GRID2: variants seen among roughly 807,000 people sequenced by gnomAD.
GRID2 encodes glutamate receptor ionotropic, delta-2.
In GRID2, 33 loss-of-function variants were observed where a neutral mutation model predicts 114.8. The ratio of observed to expected loss-of-function variants is 0.29; its 90% CI spans 0.22 to 0.38. The LOEUF is 0.38. Among genes scored for constraint, GRID2 ranks in the 10% least tolerant of loss-of-function variants. GRID2 has a pLI of 1.00. For missense variants in GRID2, 1,184 were observed against 1,257.7 expected, an observed-to-expected ratio of 0.94 and a Z score of 0.89; for synonymous variants, 505 against 449.9, an observed-to-expected ratio of 1.12 and a Z score of -1.55.
chr4:92,759,978 C>T (rs1318988352), intron 2 of GRID2, among the ~76,000 whole-genome samples: 5 of 151,238 alleles, frequency 3.3e-5, no homozygotes, highest in Non-Finnish European at 4.4e-5. Flanking sequence ...TGAACGCCTT[C>T]GATAATGGTA....
At chr4:92,327,849 A>AATTAACAATG (rs1019705775) in intron 1 of GRID2, among the ~76,000 whole-genome samples, 1 of 152,068 alleles carries the variant, frequency 6.6e-6, no homozygotes. Context: ...CTAAAAAAGA[A>AATTAACAATG]ATTAACAATG....
intron 1 of GRID2, among the ~76,000 whole-genome samples, chr4:92,545,225 T>G (rs1726183433): frequency 6.6e-6 from 1 of 151,696 alleles, no homozygotes; most frequent in Admixed American, 6.6e-5. Context: ...AAAAAATGTG[T>G]GGTAGATGCT....
chr4:93,724,734 A>G (rs1729686903), intron 14 of GRID2, among the ~76,000 whole-genome samples: 1 of 152,006 alleles, frequency 6.6e-6, no homozygotes, highest in Admixed American at 6.6e-5. Flanking sequence ...CTAGTTGTCC[A>G]GTAGGGGAGA....
At chr4:93,388,259 T>A (rs1764518867) in intron 8 of GRID2, among the ~76,000 whole-genome samples, 1 of 152,148 alleles carries the variant, frequency 6.6e-6, no homozygotes, top group African/African-American at 2.4e-5. Context: ...CTTAAGATTG[T>A]TCCAGTCAAG....
At chr4:93,140,080 A>G (rs1338709453) in intron 4 of GRID2, among the ~76,000 whole-genome samples, 1 of 151,954 alleles carries the variant, frequency 6.6e-6, no homozygotes, top group Non-Finnish European at 1.5e-5. Context: ...AGTATCTTGG[A>G]TGTGCCAAGT....
At chr4:92,740,088 GC>G (rs576076993) in intron 2 of GRID2, among the ~76,000 whole-genome samples, 33 of 152,088 alleles carry the variant, frequency 2.2e-4, no homozygotes, top group Admixed American at 3.9e-4. Context: ...TTCCTAAAAG[GC>G]CTTTTCTTCC....
At chr4:92,647,006 G>T (rs1731676113) in intron 2 of GRID2, among the ~76,000 whole-genome samples, 1 of 152,036 alleles carries the variant, frequency 6.6e-6, no homozygotes, top group African/African-American at 2.4e-5. Flanking sequence ...GGTAGTAGCA[G>T]TACAACTTGT....
chr4:92,530,287 G>A (rs1291044900), intron 1 of GRID2, among the ~76,000 whole-genome samples: 1 of 151,872 alleles, frequency 6.6e-6, no homozygotes, highest in Non-Finnish European at 1.5e-5. Context: ...CAGGTATCAG[G>A]CTGATATTAT....
intron 2 of GRID2, among the ~76,000 whole-genome samples, chr4:92,971,409 TC>T (rs1033918138): frequency 3.3e-5 from 5 of 152,022 alleles, no homozygotes; most frequent in Admixed American, 2.6e-4. Flanking sequence ...CTAGTTTTTT[TC>T]CTTTTATTTT....
chr4:92,581,564 T>G (rs1313899880), intron 1 of GRID2, among the ~76,000 whole-genome samples: 1 of 152,090 alleles, frequency 6.6e-6, no homozygotes, highest in Non-Finnish European at 1.5e-5. Context: ...CACATGTTAT[T>G]GGAGAGTAAG....
chr4:92,934,399 A>C (rs1423204628), intron 2 of GRID2, among the ~76,000 whole-genome samples: 2 of 150,764 alleles, frequency 1.3e-5, no homozygotes, highest in African/African-American at 4.8e-5. Context: ...GACTTTGCTG[A>C]AGCTGCTTAT....
chr4:92,729,717 C>T (rs1452223719), intron 2 of GRID2, among the ~76,000 whole-genome samples: 4 of 151,940 alleles, frequency 2.6e-5, no homozygotes, highest in African/African-American at 4.8e-5. Flanking sequence ...AGCTAGTTTA[C>T]CTGCTAATCA....
At chr4:93,804,817 T>C (rs1027120901) in intron 1 of GRID2, among the ~76,000 whole-genome samples, 1 of 152,220 alleles carries the variant, frequency 6.6e-6, no homozygotes, top group Non-Finnish European at 1.5e-5. Context: ...ACCTCCTCCA[T>C]GATTTCTTCT....
At chr4:92,641,837 T>C (rs767251693) in intron 2 of GRID2, among the ~76,000 whole-genome samples, 3 of 151,390 alleles carry the variant, frequency 2.0e-5, no homozygotes. Context: ...CTTAGGTCTA[T>C]GTATGTTCAA....
chr4:93,788,616 T>A (rs973972), intron 1 of GRID2, among the ~76,000 whole-genome samples: 147,284 of 152,262 alleles, frequency 0.97, 71,269 homozygotes, highest in African/African-American at 0.99. Flanking sequence ...AAATCTCAGG[T>A]TAACAAGATG....
chr4:92,557,715 T>C (rs1216373779), intron 1 of GRID2, among the ~76,000 whole-genome samples: 5 of 151,034 alleles, frequency 3.3e-5, no homozygotes, highest in Non-Finnish European at 5.9e-5. Flanking sequence ...TATTTATATA[T>C]GGCATTATAA....
At chr4:93,684,645 G>A (rs1330804514) in intron 14 of GRID2, among the ~76,000 whole-genome samples, 2 of 152,168 alleles carry the variant, frequency 1.3e-5, no homozygotes, top group Middle Eastern at 6.8e-3. Flanking sequence ...AACATCGAGG[G>A]TACAGGGGAT....
intron 2 of GRID2, among the ~76,000 whole-genome samples, chr4:92,782,725 C>T (rs758591503): frequency 9.2e-5 from 14 of 151,872 alleles, no homozygotes; most frequent in South Asian, 2.1e-4. Context: ...GTGCGTAATA[C>T]ATGATGAGTG....
intron 2 of GRID2, among the ~76,000 whole-genome samples, chr4:92,938,834 G>A (rs979247446): frequency 6.9e-6 from 1 of 145,272 alleles, no homozygotes; most frequent in Non-Finnish European, 1.5e-5. Context: ...TTGTCCTTGC[G>A]ATAGTTTGCT....
Sources: allele counts gnomAD v4.1 joint callset (sites outside exome capture counted in the v4.1 genomes callset), GRCh38; gene constraint gnomAD v4.1.1; transcripts MANE v1.5; gene names NCBI Gene and HGNC (gene_info 2026-07-23, HGNC 2026-07-21).